IRGM: variants seen among roughly 807,000 people sequenced by gnomAD.
IRGM encodes the protein immunity related GTPase M.
For synonymous variants in IRGM, 98 were observed against 80.6 expected, an observed-to-expected ratio of 1.22 and a Z score of -1.16; for missense variants, 288 against 219.9, an observed-to-expected ratio of 1.31 and a Z score of -1.96.
chr5:150,862,421 G>GT (rs1160658903), intron 1 of IRGM, among the ~76,000 whole-genome samples: 2 of 152,204 alleles, frequency 1.3e-5, no homozygotes, highest in Non-Finnish European at 2.9e-5. Flanking sequence ...ATTGGGAACT[G>GT]TTTTAGAGTC....
In IRGM at chr5:150,848,631, CTGGAAAATCT is replaced by C. The variant is rs1404582924; in HGVS notation, c.509_518del (p.Leu170ProfsTer15). 6.5e-7 allele frequency: 1 copy of C among 1,544,900 alleles called. No individual in the cohort carries two copies. Among genetic ancestry groups the C allele is most frequent in the South Asian group, 1.2e-5 (1 of 83,664 alleles). ...GCTACTGCAGATCAGAGAAAATGTC[CTGGAAAATCT>C]CCAGAAGGAGCGGGTATGTGAATAC... On this transcript the variant is annotated frameshift_variant, in exon 2 of 2. Coordinates refer to ENST00000522154, the MANE Select transcript of IRGM (RefSeq NM_001145805.2). LOFTEE classifies it low-confidence loss of function (END_TRUNC).
In IRGM at chr5:150,848,387, G is replaced by T. The variant is rs1034120694; in HGVS notation, c.264G>T (p.Leu88Phe). ...CTTCCCACTTTTCAAATGTGGTGTT[G>T]TGGGACCTGCCTGGCACAGGGTCTG... is the stretch of plus-strand genomic sequence containing the variant. ...YFSSHFSNVV[L>F]WDLPGTGSAT... Residue 88 changes from leucine to phenylalanine, a missense_variant, in exon 2 of 2, where the codon TTG becomes TTT. Physicochemically the swap from Leu to Phe is conservative, Grantham distance 22. Transcript: ENST00000522154. 12 of 1,551,806 alleles carry T rather than the reference G, an allele frequency of 7.7e-6. No individual in the cohort carries two copies. In the East Asian group the frequency reaches 2.9e-4, roughly 38 times the overall value.
downstream of IRGM, among the ~76,000 whole-genome samples, chr5:150,901,462 A>G (rs1358316115): frequency 6.6e-6 from 1 of 152,074 alleles, no homozygotes; most frequent in Non-Finnish European, 1.5e-5. Flanking sequence ...CAGTAACCAC[A>G]TTTGGCTGAT....
At chr5:150,883,516 A>G (rs1003885918) in intron 3 of IRGM, among the ~76,000 whole-genome samples, 5 of 152,006 alleles carry the variant, frequency 3.3e-5, no homozygotes, top group Middle Eastern at 3.4e-3. Flanking sequence ...AGACTAAGAA[A>G]AAAAGCAAGA....
At chr5:150,878,021 A>G (rs1336458902) in exon 2 of IRGM, 2 of 458,400 alleles carry the variant, frequency 4.4e-6, no homozygotes, top group South Asian at 1.5e-5. Context: ...ACAGCCACGT[A>G]CCTCTTGCTT....
chr5:150,882,265 A>T (rs2113289498), intron 3 of IRGM, among the ~76,000 whole-genome samples: 1 of 142,162 alleles, frequency 7.0e-6, no homozygotes, highest in East Asian at 2.3e-4. Context: ...TGCTGTAAAG[A>T]AAATCACCTA....
intron 3 of IRGM, among the ~76,000 whole-genome samples, chr5:150,886,779 G>T (rs1272472787): frequency 6.6e-6 from 1 of 151,774 alleles, no homozygotes; most frequent in African/African-American, 2.4e-5. Context: ...TGTTTATTTT[G>T]ATGTTTCCTC....
downstream of IRGM, among the ~76,000 whole-genome samples, chr5:150,849,580 A>C (rs796723384): frequency 3.4e-5 from 5 of 147,262 alleles, no homozygotes; most frequent in African/African-American, 1.3e-4. Context: ...AACCATATAT[A>C]TGGGTGTAAT....
At chr5:150,884,495 T>C (rs1303190527) in intron 3 of IRGM, among the ~76,000 whole-genome samples, 1 of 152,130 alleles carries the variant, frequency 6.6e-6, no homozygotes, top group East Asian at 1.9e-4. Context: ...AGAATCACCA[T>C]ACTGCTTTCC....
chr5:150,871,554 G>A (rs1249643014), intron 1 of IRGM, among the ~76,000 whole-genome samples: 2 of 152,162 alleles, frequency 1.3e-5, no homozygotes, highest in African/African-American at 4.8e-5. Context: ...TAACAGCCTG[G>A]GTGGGGTTCC....
chr5:150,888,639 G>A (rs1172504884), intron 3 of IRGM, among the ~76,000 whole-genome samples: 1 of 140,092 alleles, frequency 7.1e-6, no homozygotes, highest in Non-Finnish European at 1.5e-5. Context: ...AAAAATAGGA[G>A]TCAAGACTGA....
Position 150,848,039 on chromosome 5 carries a change from G to A in IRGM, c.-85G>A. 1.9e-6 allele frequency: 2 copies of A among 1,054,136 alleles called. No individual in the cohort carries two copies. The highest frequency in any genetic ancestry group is 1.4e-6 in the Non-Finnish European group (1 of 734,424). 65.3% of individuals were successfully genotyped at this position (1,054,136 alleles called of 1,614,324 possible). A position where few individuals can be genotyped will look rare whatever the true frequency, so the allele number is the denominator to read the frequency against. ...GATGGTCTCAATCTCCTGACCTCGT[G>A]ATCTGCTCGCCTCGGCCTTCCAAAG... On this transcript the variant is annotated 5_prime_UTR_variant, in exon 2 of 2. Coordinates refer to ENST00000522154, the MANE Select transcript of IRGM (RefSeq NM_001145805.2).
At chr5:150,857,046 G>A (rs1030900020) in intron 1 of IRGM, among the ~76,000 whole-genome samples, 41 of 151,474 alleles carry the variant, frequency 2.7e-4, no homozygotes, top group African/African-American at 9.9e-4. Flanking sequence ...TCGTCATTTA[G>A]CATTAGGTAT....
In IRGM at chr5:150,893,948, T is replaced by C. The variant is rs76657070; in HGVS notation, c.*141-6641T>C. 8.2e-3 allele frequency among the ~76,000 whole-genome samples: 1,244 copies of C among 152,166 alleles called. 22 individuals are homozygous for C. The highest frequency in any genetic ancestry group is 0.034 in the South Asian group (162 of 4,830). The stretch of plus-strand genomic sequence containing the variant: ...TGTGGGGGGAGTGATATCTTTAACA[T>C]TGAGTTCCCACATCCCTGTCCAGTG... On this transcript the variant is annotated intron_variant and NMD_transcript_variant, in intron 3 of 3. Transcript: ENST00000520549.
intron 3 of IRGM, among the ~76,000 whole-genome samples, chr5:150,885,590 T>C (rs1754508771): frequency 6.6e-6 from 1 of 152,122 alleles, no homozygotes; most frequent in South Asian, 2.1e-4. Context: ...TCTGATTTCT[T>C]TGAGCATTGT....
downstream of IRGM, among the ~76,000 whole-genome samples, chr5:150,849,147 A>G (rs971444162): frequency 6.6e-6 from 1 of 152,146 alleles, no homozygotes; most frequent in African/African-American, 2.4e-5. Flanking sequence ...GTTTATCAGT[A>G]ATAATAAAGA....
Position 150,897,041 on chromosome 5 carries a change from C to T in IRGM, c.*141-3548C>T, listed in dbSNP as rs527344908. ...CAATTAAGAGGGTAAAGAAGTAGAACAAATGGATGATCCAACATAGTAGAT... is the reference window on the plus strand; with the variant it reads ...CAATTAAGAGGGTAAAGAAGTAGAATAAATGGATGATCCAACATAGTAGAT... On this transcript the variant is annotated intron_variant and NMD_transcript_variant, in intron 3 of 3. Coordinates refer to the IRGM transcript ENST00000520549. The T allele has an allele frequency of 1.1e-5, 14 of 1,250,368 alleles. No homozygotes were observed. In the African/African-American group the frequency reaches 2.0e-4, roughly 17 times the overall value. 77.5% of individuals were successfully genotyped at this position (1,250,368 alleles called of 1,614,324 possible). A position where few individuals can be genotyped will look rare whatever the true frequency, so the allele number is the denominator to read the frequency against.
chr5:150,879,199 C>T lies in IRGM; in HGVS notation c.*79-386C>T, dbSNP rs151280856. Among the ~76,000 whole-genome samples, 415 of 152,142 alleles carry T rather than the reference C, an allele frequency of 2.7e-3. 2 individuals are homozygous for T. The highest frequency in any genetic ancestry group is 9.6e-3 in the African/African-American group (399 of 41,508). ...AAAAGGGAAAGGTAAATGAAGCTTC[C>T]AAGGATGTGCAGGTTATCCAAAAAT... On this transcript the variant is annotated intron_variant and NMD_transcript_variant, in intron 2 of 3. Coordinates refer to the IRGM transcript ENST00000520549.
At chr5:150,887,074 G>A (rs1018726309) in intron 3 of IRGM, among the ~76,000 whole-genome samples, 2 of 151,914 alleles carry the variant, frequency 1.3e-5, no homozygotes, top group African/African-American at 4.8e-5. Context: ...CACTGCACAA[G>A]AGTTCTGAAT....
Sources: gnomAD v4.1 joint callset for allele counts (sites outside exome capture counted in the v4.1 genomes callset) on GRCh38, gnomAD v4.1.1 for gene constraint, MANE v1.5 for transcripts, NCBI Gene and HGNC (gene_info 2026-07-23, HGNC 2026-07-21) for gene names.